EGLN1: variants seen among roughly 807,000 people sequenced by gnomAD.
EGLN1 encodes the protein egl-9 family hypoxia inducible factor 1, also known as egl nine homolog 1.
In EGLN1, 17 loss-of-function variants were observed where a neutral mutation model predicts 38.3. The ratio of observed to expected loss-of-function variants is 0.44; its 90% CI spans 0.30 to 0.67. EGLN1 has a LOEUF of 0.67. Among genes scored for constraint, EGLN1 ranks in the 30% least tolerant of loss-of-function variants. The probability of loss-of-function intolerance (pLI) is 0.08; values close to 1 mark genes in which losing one functional copy is unlikely to be tolerated. For synonymous variants in EGLN1, 283 were observed against 257.5 expected (o/e 1.10, Z -0.95); for missense variants, 477 against 603.3 (o/e 0.79, Z 2.19).
chr1:231,378,576 G>A (rs533970041), intron 1 of EGLN1, among the ~76,000 whole-genome samples: 6 of 152,212 alleles, frequency 3.9e-5, no homozygotes, highest in South Asian at 2.1e-4. Flanking sequence ...GACTACAGGC[G>A]TGAGACACCG....
intron 1 of EGLN1, among the ~76,000 whole-genome samples, chr1:231,415,504 T>A (rs1035480719): frequency 6.6e-6 from 1 of 152,082 alleles, no homozygotes. Flanking sequence ...AAATGGGTGA[T>A]CATTCTAAGC....
intron 1 of EGLN1, among the ~76,000 whole-genome samples, chr1:231,406,165 C>CAAAAAAAAAAAAA (rs5781651): frequency 8.0e-4 from 111 of 139,024 alleles, no homozygotes; most frequent in Admixed American, 1.2e-3. Flanking sequence ...GACTCCGTCT[C>CAAAAAAAAAAAAA]AAAAAAAAAA....
chr1:231,421,540 G>A lies in EGLN1; in HGVS notation c.349C>T (p.Pro117Ser), dbSNP rs1302770820. ...GACGCGGCCGCCGCTGGGTCGGCCG[G>A]GGGCTTGGCCTTTACTTTTCCCTTG... ...AAKGKVKAKP[P>S]ADPAAAASPC... The change falls in exon 1 of 5, where the codon CCG becomes TCG. Residue 117 changes from proline (P) to serine (S), a missense_variant. By Grantham distance (74) the Pro-to-Ser change is moderately conservative. Transcript: ENST00000366641. This position sits in a 1 kb window ranked among gnomAD's most constrained non-coding sequence, Gnocchi z 5.5. 6.9e-6 allele frequency: 9 copies of A among 1,297,478 alleles called. No individual in the cohort carries two copies. Among genetic ancestry groups the A allele is most frequent in the Admixed American group, 4.2e-5 (1 of 23,592 alleles). The allele number at this position is 1,297,478 out of a possible 1,614,324, so 80.4% of individuals were successfully genotyped here. A position where few individuals can be genotyped will look rare whatever the true frequency, so the allele number is the denominator to read the frequency against.
intron 3 of EGLN1, among the ~76,000 whole-genome samples, chr1:231,368,509 CCACCA>C (rs1292842926): frequency 2.6e-5 from 4 of 152,104 alleles, no homozygotes; most frequent in Non-Finnish European, 4.4e-5. Flanking sequence ...ATATTTCATT[CCACCA>C]ATAAGTGAGG....
At chr1:231,367,677 C>T (rs750082301) in intron 3 of EGLN1, 41 bp from the exon 4 acceptor site, 46 of 1,581,844 alleles carry the variant, frequency 2.9e-5, no homozygotes, top group South Asian at 5.5e-5. Flanking sequence ...GATCACACTG[C>T]GGGGAAAAAG....
chr1:231,394,382 CTTT>C (rs35843267), intron 1 of EGLN1, among the ~76,000 whole-genome samples: 2 of 136,652 alleles, frequency 1.5e-5, no homozygotes, highest in Admixed American at 7.5e-5. Context: ...CCCAATTTTC[CTTT>C]TTTTTTTTTT....
intron 1 of EGLN1, among the ~76,000 whole-genome samples, chr1:231,395,299 A>G (rs1688492645): frequency 6.6e-6 from 1 of 152,204 alleles, no homozygotes; most frequent in South Asian, 2.1e-4. Flanking sequence ...TCCTATGTCA[A>G]CGGTTCCAAA....
chr1:231,393,094 T>C (rs559732326), intron 1 of EGLN1, among the ~76,000 whole-genome samples: 3 of 152,354 alleles, frequency 2.0e-5, no homozygotes, highest in East Asian at 1.9e-4. Flanking sequence ...CATGATGTAA[T>C]GCTGAAACTA....
Position 231,421,384 on chromosome 1 carries a change from G to C in EGLN1, c.505C>G (p.Pro169Ala). 2 of 1,607,242 alleles carry C rather than the reference G, an allele frequency of 1.2e-6. No individual in the cohort carries two copies. The highest frequency in any genetic ancestry group is 1.7e-6 in the Non-Finnish European group (2 of 1,176,526). The change falls in exon 1 of 5, where the codon CCC becomes GCC. Residue 169 changes from proline to alanine, a missense_variant. Pro to Ala is a conservative substitution (Grantham distance 27). Coordinates refer to ENST00000366641, the MANE Select transcript of EGLN1 (RefSeq NM_022051.3). The surrounding 1 kb of genome is among the most constrained non-coding windows in gnomAD (Gnocchi z 5.5). Reference protein sequence around the residue: ...KANLYPPSNTPGDALSPGGGL... With the variant: ...KANLYPPSNTAGDALSPGGGL... ...CCGCCGGGGCTCAGCGCATCCCCGG[G>C]CGTGTTGCTTGGGGGGTACAGGTTC... is the stretch of plus-strand genomic sequence containing the variant.
At chr1:231,407,193 A>G (rs1248276901) in intron 1 of EGLN1, among the ~76,000 whole-genome samples, 1 of 152,188 alleles carries the variant, frequency 6.6e-6, no homozygotes, top group African/African-American at 2.4e-5. Flanking sequence ...ATTTCTATTT[A>G]TCTACACTCC....
chr1:231,368,635 G>C (rs1400296827), intron 3 of EGLN1, among the ~76,000 whole-genome samples: 1 of 152,176 alleles, frequency 6.6e-6, no homozygotes, highest in South Asian at 2.1e-4. Flanking sequence ...CCAGTTCCTG[G>C]GCAGAATATA....
At chr1:231,390,129 C>A (rs1688329143) in intron 1 of EGLN1, among the ~76,000 whole-genome samples, 1 of 152,198 alleles carries the variant, frequency 6.6e-6, no homozygotes, top group South Asian at 2.1e-4. Flanking sequence ...TAGTATACCA[C>A]ATGCAAAGCT....
In EGLN1 at chr1:231,366,484, T is replaced by TG. The variant is rs1190897074; in HGVS notation, c.1217-10_1217-9insC. The TG allele has an allele frequency of 1.1e-6, 1 of 911,256 alleles. No individual in the cohort carries two copies. The highest frequency in any genetic ancestry group is 1.5e-6 in the Non-Finnish European group (1 of 651,218). The allele number at this position is 911,256 out of a possible 1,614,324, so 56.4% of individuals were successfully genotyped here. A position where few individuals can be genotyped will look rare whatever the true frequency, so the allele number is the denominator to read the frequency against. On this transcript the variant is annotated splice_polypyrimidine_tract_variant and intron_variant, in intron 4 of 4. Transcript: ENST00000366641. ...CCTCACACCTTTTTCACCTGCAAGG[T>TG]AAAAAAAAAAAAAATTTTCATTCAT...
Position 231,420,964 on chromosome 1 carries a change from GCCTGTCCA to G in EGLN1, c.891+26_891+33del. 3 of 1,613,868 alleles carry G rather than the reference GCCTGTCCA, an allele frequency of 1.9e-6. No individual in the cohort carries two copies. In the African/African-American group the frequency reaches 4.0e-5, roughly 22 times the overall value. ...AGGCAGGGGCTGCCCGCCGAGAAGG[GCCTGTCCA>G]GCACAAACCCGCAGCACACACTTAC... On this transcript the variant is annotated intron_variant, in intron 1 of 4. Coordinates refer to ENST00000366641, the MANE Select transcript of EGLN1 (RefSeq NM_022051.3).
At chr1:231,383,657 G>A (rs1284464892) in intron 1 of EGLN1, among the ~76,000 whole-genome samples, 1 of 152,150 alleles carries the variant, frequency 6.6e-6, no homozygotes, top group African/African-American at 2.4e-5. Flanking sequence ...GTGCAGTGTG[G>A]AGCAATAGGG....
At chr1:231,411,638 G>A (rs1184316302) in intron 1 of EGLN1, among the ~76,000 whole-genome samples, 1 of 152,062 alleles carries the variant, frequency 6.6e-6, no homozygotes, top group Non-Finnish European at 1.5e-5. Flanking sequence ...ACAATCTAAT[G>A]TTTACCCATA....
At chr1:231,410,174 G>T (rs1010523979) in intron 1 of EGLN1, among the ~76,000 whole-genome samples, 49 of 152,284 alleles carry the variant, frequency 3.2e-4, no homozygotes, top group African/African-American at 1.2e-3. Context: ...TCTTGCAAAA[G>T]AATACAGCAC....
Position 231,366,494 on chromosome 1 carries a change from A to C in EGLN1, c.1217-19T>G. ...TTTTCACCTGCAAGGTAAAAAAAAAAAAAATTTTCATTCATTCACTAAGCA... is the reference window on the plus strand; with the variant it reads ...TTTTCACCTGCAAGGTAAAAAAAAACAAAATTTTCATTCATTCACTAAGCA... On this transcript the variant is annotated intron_variant, in intron 4 of 4. Transcript: ENST00000366641. The C allele has an allele frequency of 6.2e-7, 1 of 1,612,840 alleles. No individual in the cohort carries two copies. The highest frequency in any genetic ancestry group is 8.5e-7 in the Non-Finnish European group (1 of 1,179,184).
chr1:231,403,969 G>T (rs996181975), intron 1 of EGLN1, among the ~76,000 whole-genome samples: 1 of 151,808 alleles, frequency 6.6e-6, no homozygotes, highest in Non-Finnish European at 1.5e-5. Flanking sequence ...AATACATGTT[G>T]TTTAACTTCA....
Sources: gnomAD v4.1 joint callset for allele counts (sites outside exome capture counted in the v4.1 genomes callset) on GRCh38, gnomAD v4.1.1 for gene constraint, Gnocchi (gnomAD v3.1) non-coding constraint, MANE v1.5 for transcripts, NCBI Gene and HGNC (gene_info 2026-07-23, HGNC 2026-07-21) for gene names.